Variants in ARHGAP32 observed in about 807,000 individuals in gnomAD.
ARHGAP32 encodes Rho GTPase activating protein 32.
A neutral mutation model predicts 186.5 loss-of-function variants in ARHGAP32; 51 were observed. That is an observed-to-expected ratio of 0.27 (90% CI 0.22 to 0.35). The LOEUF (loss-of-function observed/expected upper bound fraction) is 0.35, where lower values mean the gene tolerates loss of function less well. Among genes scored for constraint, ARHGAP32 ranks in the 10% least tolerant of loss-of-function variants. ARHGAP32 has a pLI of 1.00. For missense variants in ARHGAP32, 2,186 were observed against 2,623.5 expected, an observed-to-expected ratio of 0.83 and a Z score of 3.64; for synonymous variants, 950 against 964.3, an observed-to-expected ratio of 0.99 and a Z score of 0.27.
At chr11:129,014,966 T>C (rs1046198887) in intron 11 of ARHGAP32, among the ~76,000 whole-genome samples, 1 of 152,202 alleles carries the variant, frequency 6.6e-6, no homozygotes, top group African/African-American at 2.4e-5. Context: ...ATTCCATAAA[T>C]TGCTTTTATT....
At chr11:129,173,727 T>C (rs1369425852) in intron 1 of ARHGAP32, among the ~76,000 whole-genome samples, 1 of 152,190 alleles carries the variant, frequency 6.6e-6, no homozygotes, top group Non-Finnish European at 1.5e-5. Context: ...TTAATACCTA[T>C]TCATAAATTC....
At chr11:129,193,589 T>C (rs573348858), upstream of ARHGAP32, among the ~76,000 whole-genome samples, 8 of 47,256 alleles carry the variant, frequency 1.7e-4, 1 homozygote, top group South Asian at 3.7e-4. Context: ...TATTATATAA[T>C]ATATGTTATA....
intron 1 of ARHGAP32, among the ~76,000 whole-genome samples, chr11:129,262,500 C>T (rs1945336979): frequency 6.6e-6 from 1 of 151,996 alleles, no homozygotes; most frequent in Admixed American, 6.5e-5. Context: ...TCTTATGTCT[C>T]AGCCTCCCTA....
intron 2 of ARHGAP32, among the ~76,000 whole-genome samples, chr11:129,158,998 T>C (rs1170823387): frequency 6.6e-6 from 1 of 152,210 alleles, no homozygotes; most frequent in Non-Finnish European, 1.5e-5. Flanking sequence ...AAATAAGTTC[T>C]TTGAAATCAA....
In ARHGAP32 at chr11:129,006,803, T is replaced by C. The variant is rs528851765; in HGVS notation, c.1046-8335A>G. On this transcript the variant is annotated intron_variant, in intron 11 of 22. Transcript: ENST00000682385. ...TGGTAAAGCCAGCCAAGCTGTGTTG[T>C]TCCTTTCAAGGCAGTGAGTTCCCCC... Among the ~76,000 whole-genome samples, 3 of 152,314 alleles carry C rather than the reference T, an allele frequency of 2.0e-5. No homozygotes were observed. The South Asian group carries it at 6.2e-4, about 32-fold the overall frequency.
Position 128,967,208 on chromosome 11 carries a change from TA to T in ARHGAP32, c.*1698del, listed in dbSNP as rs1348349732. 1 of 152,228 alleles carries T rather than the reference TA, an allele frequency of 6.6e-6. No individual in the cohort carries two copies. Among genetic ancestry groups the T allele is most frequent in the Non-Finnish European group, 1.5e-5 (1 of 68,028 alleles). 9.4% of individuals were successfully genotyped at this position (152,228 alleles called of 1,614,324 possible). On this transcript the variant is annotated 3_prime_UTR_variant, in exon 23 of 23. Coordinates refer to ENST00000682385, the MANE Select transcript of ARHGAP32 (RefSeq NM_001378024.1). Reference sequence around the variant, plus strand: ...TTAAAATGCACATTATTTTTTAAAATAAAAACTGGCATGAATCCTAATCTTT... The same window carrying T: ...TTAAAATGCACATTATTTTTTAAAATAAAACTGGCATGAATCCTAATCTTT...
intron 12 of ARHGAP32, among the ~76,000 whole-genome samples, chr11:128,989,679 T>C (rs954684503): frequency 6.6e-6 from 1 of 152,118 alleles, no homozygotes; most frequent in African/African-American, 2.4e-5. Context: ...TCATCTACAT[T>C]GAGTATTTCT....
chr11:129,265,157 T>G (rs1945379291), intron 1 of ARHGAP32, among the ~76,000 whole-genome samples: 2 of 152,146 alleles, frequency 1.3e-5, no homozygotes, highest in Non-Finnish European at 2.9e-5. Flanking sequence ...GGGAGGGAAG[T>G]GGACAAATTA....
At chr11:129,055,067 T>C (rs542585) in intron 10 of ARHGAP32, among the ~76,000 whole-genome samples, 98,582 of 152,088 alleles carry the variant, frequency 0.65, 32,351 homozygotes, top group Middle Eastern at 0.71. Flanking sequence ...AAACGAACTG[T>C]AGGGCTTAGG....
chr11:129,169,771 T>C (rs1943719560), intron 1 of ARHGAP32, among the ~76,000 whole-genome samples: 1 of 152,052 alleles, frequency 6.6e-6, no homozygotes, highest in African/African-American at 2.4e-5. Flanking sequence ...CAAAAAGATT[T>C]GTACAGTCCT....
At chr11:129,251,681 C>T (rs1657742187) in intron 1 of ARHGAP32, among the ~76,000 whole-genome samples, 2 of 151,678 alleles carry the variant, frequency 1.3e-5, no homozygotes, top group African/African-American at 2.4e-5. Flanking sequence ...ATAATCCCAG[C>T]TTGGGAGGCC....
In ARHGAP32 at chr11:128,974,796, C is replaced by G. The variant is rs745434609; in HGVS notation, c.2401G>C (p.Asp801His). ...SAEDVDLSPP[D>H]IGVASLDFDP... ...AAATCCAGGCTGGCTACTCCAATGT[C>G]TGGTGGGCTCAAGTCAACATCCTCA... is the stretch of plus-strand genomic sequence containing the variant. The change falls in exon 21 of 23, where the codon GAC becomes CAC. Residue 801 changes from aspartate (D) to histidine (H), a missense_variant. Asp to His is a moderately conservative substitution (Grantham distance 81). Transcript: ENST00000682385. 6.2e-7 allele frequency: 1 copy of G among 1,614,098 alleles called. No homozygotes were observed. The highest frequency in any genetic ancestry group is 1.1e-5 in the South Asian group (1 of 91,054).
rs549101429 is a variant in ARHGAP32 at position 129,016,332 on chromosome 11, T to C, written c.1046-17864A>G. ...ATGGTTTATCTTTTATTGCACAAAT[T>C]TTTAAATGTCTTTAGGTACAGAAAT... On this transcript the variant is annotated intron_variant, in intron 11 of 22. Transcript: ENST00000682385. 3.3e-5 allele frequency among the ~76,000 whole-genome samples: 5 copies of C among 152,326 alleles called. No individual in the cohort carries two copies. In the East Asian group the frequency reaches 9.6e-4, roughly 29 times the overall value.
chr11:128,979,396 C>A (rs758179479), intron 18 of ARHGAP32, among the ~76,000 whole-genome samples: 92 of 152,152 alleles, frequency 6.0e-4, no homozygotes, highest in Non-Finnish European at 1.2e-3. Flanking sequence ...TCAGATACAA[C>A]CACATGAGGT....
chr11:129,109,765 G>A (rs1035217477), intron 5 of ARHGAP32, among the ~76,000 whole-genome samples: 1 of 151,882 alleles, frequency 6.6e-6, no homozygotes, highest in Non-Finnish European at 1.5e-5. Flanking sequence ...TTTTTAATGA[G>A]ATTTGTGTTT....
Position 129,192,141 on chromosome 11 carries a change from A to T in ARHGAP32, c.58T>A (p.Ser20Thr). The change falls in exon 1 of 23, where the codon TCT becomes ACT. Residue 20 changes from serine to threonine, a missense_variant. Physicochemically the swap from Ser to Thr is moderately conservative, Grantham distance 58. This residue lies in a region of ARHGAP32 where 108 missense variants were observed against 116.8 expected (regional missense o/e 0.92). Coordinates refer to ENST00000682385, the MANE Select transcript of ARHGAP32 (RefSeq NM_001378024.1). ...LGDDSVFWLESEVIIQVTDCE... is the reference protein window; with the variant it reads ...LGDDSVFWLETEVIIQVTDCE... ...TCAGTCACCTGGATTATAACTTCAG[A>T]CTCCAACCAGAAGACACTGTCATCC... 7 of 1,613,710 alleles carry T rather than the reference A, an allele frequency of 4.3e-6. No homozygotes were observed. The highest frequency in any genetic ancestry group is 5.9e-6 in the Non-Finnish European group (7 of 1,179,806).
chr11:129,142,854 T>C (rs1943086439), intron 2 of ARHGAP32, among the ~76,000 whole-genome samples: 1 of 150,558 alleles, frequency 6.6e-6, no homozygotes, highest in Non-Finnish European at 1.5e-5. Flanking sequence ...CACTTTTCAC[T>C]TTTTTTAACA....
chr11:129,211,474 C>T lies in ARHGAP32; in HGVS notation c.-4-47047G>A, dbSNP rs577424499. ...AGAATAAAATTGCTTCCATCAAAAA[C>T]GCTGGGCATCTAACACAATAGAACA... On this transcript the variant is annotated intron_variant, in intron 1 of 6. Transcript: ENST00000525234. 6.6e-5 allele frequency among the ~76,000 whole-genome samples: 10 copies of T among 152,286 alleles called. No individual in the cohort carries two copies. In the East Asian group the frequency reaches 1.2e-3, roughly 18 times the overall value.
chr11:129,138,792 A>G (rs1019360249), intron 2 of ARHGAP32, among the ~76,000 whole-genome samples: 2 of 152,178 alleles, frequency 1.3e-5, no homozygotes, highest in African/African-American at 4.8e-5. Context: ...AGTATTACCA[A>G]TTTTTAACTA....
Sources: allele counts gnomAD v4.1 joint callset (sites outside exome capture counted in the v4.1 genomes callset), GRCh38; gene constraint gnomAD v4.1.1; regional missense constraint gnomAD v4.1.1; transcripts MANE v1.5; gene names NCBI Gene and HGNC (gene_info 2026-07-23, HGNC 2026-07-21).